The following GABRB3 variants were observed in gnomAD, a reference collection of about 807,000 sequenced individuals.
The protein encoded by GABRB3 is gamma-aminobutyric acid receptor subunit beta-3.
GABRB3 carries 14 observed loss-of-function variants against 52.1 expected under a neutral mutation model. The observed-to-expected ratio is 0.27, with a 90% CI of 0.18 to 0.42. GABRB3 has a LOEUF of 0.42. Among genes scored for constraint, GABRB3 ranks in the 10% least tolerant of loss-of-function variants. The pLI is 1.00. For synonymous variants in GABRB3, 260 were observed against 232.3 expected, an observed-to-expected ratio of 1.12 and a Z score of -1.08; for missense variants, 307 against 609.1, an observed-to-expected ratio of 0.50 and a Z score of 5.22.
intron 3 of GABRB3, among the ~76,000 whole-genome samples, chr15:26,639,656 A>C (rs1158627524): frequency 6.6e-6 from 1 of 152,192 alleles, no homozygotes; most frequent in Non-Finnish European, 1.5e-5. Context: ...GCTGGCTCCT[A>C]TCATTATGTA....
In GABRB3 at chr15:26,554,284, C is replaced by T. The variant is rs148756961; in HGVS notation, c.1081-6150G>A. ...GCTCAAGTGATCCTCCCGCCTCCAACTCCCAAAGTGCTGGGATTACAGGCT... is the reference window on the plus strand; with the variant it reads ...GCTCAAGTGATCCTCCCGCCTCCAATTCCCAAAGTGCTGGGATTACAGGCT... On this transcript the variant is annotated intron_variant, in intron 8 of 8. Transcript: ENST00000311550. 9.4e-3 allele frequency among the ~76,000 whole-genome samples: 1,374 copies of T among 145,492 alleles called. 17 individuals carry two copies. Among genetic ancestry groups the T allele is most frequent in the Non-Finnish European group, 0.015 (995 of 66,774 alleles).
At chr15:26,551,827 T>G (rs1030224892) in intron 8 of GABRB3, among the ~76,000 whole-genome samples, 1 of 151,448 alleles carries the variant, frequency 6.6e-6, no homozygotes, top group Admixed American at 6.6e-5. Context: ...GGCTGAGTGC[T>G]TGGAGATGGG....
intron 3 of GABRB3, among the ~76,000 whole-genome samples, chr15:26,682,550 C>T (rs962033795): frequency 6.6e-6 from 1 of 152,220 alleles, no homozygotes; most frequent in Non-Finnish European, 1.5e-5. Context: ...ATAGAAAACT[C>T]ACTCTTGTGC....
chr15:26,719,343 G>A (rs1449072428), intron 3 of GABRB3, among the ~76,000 whole-genome samples: 2 of 152,210 alleles, frequency 1.3e-5, no homozygotes, highest in Admixed American at 6.5e-5. Context: ...AGGAACTCAG[G>A]TTGGCACCCT....
Position 26,667,871 on chromosome 15 carries a change from C to T in GABRB3, c.241-46337G>A, listed in dbSNP as rs749172727. 2.0e-4 allele frequency among the ~76,000 whole-genome samples: 30 copies of T among 152,258 alleles called. 1 individual carries two copies. The highest frequency in any genetic ancestry group is 6.5e-4 in the Admixed American group (10 of 15,288). On this transcript the variant is annotated intron_variant, in intron 3 of 8. Coordinates refer to ENST00000311550, the MANE Select transcript of GABRB3 (RefSeq NM_000814.6). ...ATGAGAACCTTGGGTCTGCAAATCC[C>T]GTATGAAGTAGGAAGTCCAGATGCA...
At chr15:26,655,759 C>T (rs1887353786) in intron 3 of GABRB3, among the ~76,000 whole-genome samples, 1 of 151,614 alleles carries the variant, frequency 6.6e-6, no homozygotes, top group Non-Finnish European at 1.5e-5. Flanking sequence ...AAAAAAAAAC[C>T]CTCGGTTTCT....
chr15:26,691,644 A>G (rs1888592537), intron 3 of GABRB3, among the ~76,000 whole-genome samples: 1 of 152,216 alleles, frequency 6.6e-6, no homozygotes. Flanking sequence ...TGAAAAAGGA[A>G]TTACAAGAAA....
intron 4 of GABRB3, among the ~76,000 whole-genome samples, chr15:26,596,342 T>C (rs985928294): frequency 1.3e-5 from 2 of 152,056 alleles, no homozygotes; most frequent in Non-Finnish European, 2.9e-5. Flanking sequence ...GAAAAAGCAA[T>C]GTACATGTGC....
At chr15:26,764,735 T>C (rs1358919182) in intron 3 of GABRB3, among the ~76,000 whole-genome samples, 1 of 152,046 alleles carries the variant, frequency 6.6e-6, no homozygotes, top group African/African-American at 2.4e-5. Context: ...CAGAAGTAAG[T>C]TGCACCAGAA....
At chr15:26,750,996 T>A (rs921392085) in intron 3 of GABRB3, among the ~76,000 whole-genome samples, 1 of 152,200 alleles carries the variant, frequency 6.6e-6, no homozygotes, top group Admixed American at 6.5e-5. Flanking sequence ...TGGCCCTTTT[T>A]TTCCTCTAAA....
At chr15:26,757,954 C>G (rs1353769610) in intron 3 of GABRB3, among the ~76,000 whole-genome samples, 1 of 152,176 alleles carries the variant, frequency 6.6e-6, no homozygotes, top group African/African-American at 2.4e-5. Context: ...CCCTTACAAG[C>G]CCTCTTCTCT....
chr15:26,586,190 AG>A (rs1185004367), intron 4 of GABRB3, among the ~76,000 whole-genome samples: 1 of 151,860 alleles, frequency 6.6e-6, no homozygotes, highest in East Asian at 1.9e-4. Flanking sequence ...TAGAAGAGAC[AG>A]GGTTTCACCG....
intron 3 of GABRB3, among the ~76,000 whole-genome samples, chr15:26,627,889 T>C (rs1176220230): frequency 1.3e-5 from 2 of 152,194 alleles, no homozygotes; most frequent in African/African-American, 4.8e-5. Context: ...TAAAATGCTA[T>C]CAAACAGCAT....
chr15:26,722,782 T>C (rs1889676326), intron 3 of GABRB3, among the ~76,000 whole-genome samples: 1 of 152,184 alleles, frequency 6.6e-6, no homozygotes, highest in South Asian at 2.1e-4. Context: ...TTCCTTCAGA[T>C]GTGAGTCACT....
intron 7 of GABRB3, among the ~76,000 whole-genome samples, chr15:26,566,308 A>C (rs995188314): frequency 1.3e-5 from 2 of 152,200 alleles, no homozygotes; most frequent in East Asian, 3.8e-4. Flanking sequence ...TTTCCTGGGA[A>C]ATAAATCTGA....
intron 4 of GABRB3, among the ~76,000 whole-genome samples, chr15:26,609,682 G>C (rs1018730199): frequency 2.0e-5 from 3 of 152,090 alleles, no homozygotes; most frequent in African/African-American, 7.2e-5. Context: ...TGTTAGGCAG[G>C]AAGAATATGT....
chr15:26,662,744 A>C (rs1443463634), intron 3 of GABRB3, among the ~76,000 whole-genome samples: 1 of 152,186 alleles, frequency 6.6e-6, no homozygotes. Flanking sequence ...ACCCCAACCC[A>C]AATCAGATCA....
chr15:26,743,881 C>T (rs377356426), intron 3 of GABRB3, among the ~76,000 whole-genome samples: 16 of 152,266 alleles, frequency 1.1e-4, no homozygotes, highest in Middle Eastern at 3.4e-3. Context: ...GCTTTGAGCA[C>T]TCGTCTCTAA....
In GABRB3 at chr15:26,545,985, A is replaced by G. The variant is rs1889223302; in HGVS notation, c.*1808T>C. 6.6e-6 allele frequency: 1 copy of G among 152,620 alleles called. No individual in the cohort carries two copies. The highest frequency in any genetic ancestry group is 2.1e-4 in the South Asian group (1 of 4,828). The allele number at this position is 152,620 out of a possible 1,614,324, so 9.5% of individuals were successfully genotyped here. On this transcript the variant is annotated 3_prime_UTR_variant, in exon 9 of 9. Coordinates refer to ENST00000311550, the MANE Select transcript of GABRB3 (RefSeq NM_000814.6). ...TAAAGGTTGTTACGGCCACCAAAGAAAAATCAAGTAGTGGTCAGCTCATGG... is the reference window on the plus strand; with the variant it reads ...TAAAGGTTGTTACGGCCACCAAAGAGAAATCAAGTAGTGGTCAGCTCATGG...
Sources: gnomAD v4.1 joint callset for allele counts (sites outside exome capture counted in the v4.1 genomes callset) on GRCh38, gnomAD v4.1.1 for gene constraint, MANE v1.5 for transcripts, NCBI Gene and HGNC (gene_info 2026-07-23, HGNC 2026-07-21) for gene names.